CCDC171: variants seen among roughly 807,000 people sequenced by gnomAD.
CCDC171 encodes the protein coiled-coil domain containing 171, also known as coiled-coil domain-containing protein 171.
Under a neutral mutation model 168.2 loss-of-function variants are expected in CCDC171, and 177 were observed. That is an observed-to-expected ratio of 1.05 (90% confidence interval 0.93 to 1.19). The LOEUF (loss-of-function observed/expected upper bound fraction) is 1.19, where lower values mean the gene tolerates loss of function less well. CCDC171 is among the 50% of genes most tolerant of loss of function. The pLI is 0.00. For synonymous variants in CCDC171, 687 were observed against 540.8 expected, an observed-to-expected ratio of 1.27 and a Z score of -3.75; for missense variants, 1,991 against 1,539.0, an observed-to-expected ratio of 1.29 and a Z score of -4.91.
At chr9:15,780,225 A>G (rs1054079316) in intron 20 of CCDC171, among the ~76,000 whole-genome samples, 5 of 152,198 alleles carry the variant, frequency 3.3e-5, no homozygotes, top group Non-Finnish European at 7.3e-5. Context: ...CTCTTAAGCC[A>G]TAGGTTTCTT....
intron 3 of CCDC171, among the ~76,000 whole-genome samples, chr9:15,989,214 C>G (rs965708332): frequency 6.6e-6 from 1 of 152,160 alleles, no homozygotes; most frequent in African/African-American, 2.4e-5. Flanking sequence ...CGGCAGGGTA[C>G]TGCTCTGAGA....
chr9:15,748,485 A>C (rs1231127672), intron 18 of CCDC171, among the ~76,000 whole-genome samples: 1 of 152,194 alleles, frequency 6.6e-6, no homozygotes, highest in East Asian at 1.9e-4. Flanking sequence ...CCACAAAGAT[A>C]TTCCTCGAGA....
intron 4 of CCDC171, among the ~76,000 whole-genome samples, chr9:15,590,969 C>T (rs1190747963): frequency 1.3e-5 from 2 of 151,956 alleles, no homozygotes; most frequent in African/African-American, 4.8e-5. Flanking sequence ...CCCGCCTCAG[C>T]CTCCAGAGTA....
intron 11 of CCDC171, among the ~76,000 whole-genome samples, chr9:15,701,070 T>A (rs892140414): frequency 2.0e-5 from 3 of 152,238 alleles, no homozygotes; most frequent in Non-Finnish European, 2.9e-5. Context: ...CTTTGCGTGC[T>A]TTTTACTGGG....
chr9:15,928,000 A>C (rs551976175), intron 25 of CCDC171, among the ~76,000 whole-genome samples: 1 of 151,728 alleles, frequency 6.6e-6, no homozygotes, highest in East Asian at 2.0e-4. Flanking sequence ...ATTTGTTGAG[A>C]GAGGCTATAC....
intron 7 of CCDC171, among the ~76,000 whole-genome samples, chr9:15,638,224 C>G (rs1029851540): frequency 6.6e-6 from 1 of 152,012 alleles, no homozygotes; most frequent in Admixed American, 6.6e-5. Context: ...TCTAAGTTAC[C>G]TATGATTTCT....
intron 21 of CCDC171, among the ~76,000 whole-genome samples, chr9:15,824,461 G>C (rs2059930058): frequency 6.6e-6 from 1 of 151,782 alleles, no homozygotes; most frequent in Non-Finnish European, 1.5e-5. Context: ...TCTTCTATTG[G>C]TGCTTTGCTT....
chr9:15,606,246 A>T (rs983111869), intron 6 of CCDC171, among the ~76,000 whole-genome samples: 1 of 152,206 alleles, frequency 6.6e-6, no homozygotes, highest in Non-Finnish European at 1.5e-5. Context: ...GTATTTCAGT[A>T]ATCTCTTATT....
chr9:15,761,979 C>A (rs1200804463), intron 18 of CCDC171, among the ~76,000 whole-genome samples: 1 of 151,954 alleles, frequency 6.6e-6, no homozygotes, highest in African/African-American at 2.4e-5. Context: ...ATAATTCATC[C>A]TTGAAAGTGT....
At chr9:15,903,795 T>C (rs1276365045) in intron 24 of CCDC171, among the ~76,000 whole-genome samples, 1 of 152,154 alleles carries the variant, frequency 6.6e-6, no homozygotes, top group African/African-American at 2.4e-5. Context: ...ATTAGACGAA[T>C]GCTAACTAGA....
intron 4 of CCDC171, among the ~76,000 whole-genome samples, chr9:15,581,220 C>A (rs921677570): frequency 2.6e-5 from 4 of 152,248 alleles, no homozygotes; most frequent in African/African-American, 9.6e-5. Flanking sequence ...AATCAACTTA[C>A]AAGGGATGTG....
intron 20 of CCDC171, among the ~76,000 whole-genome samples, chr9:15,781,984 C>G (rs991768278): frequency 2.0e-5 from 3 of 152,108 alleles, no homozygotes; most frequent in Non-Finnish European, 2.9e-5. Context: ...TCCTGTGGCT[C>G]TAAAACTCAT....
chr9:15,700,230 G>C (rs1032130067), intron 11 of CCDC171, among the ~76,000 whole-genome samples: 4 of 152,214 alleles, frequency 2.6e-5, no homozygotes, highest in Admixed American at 6.5e-5. Flanking sequence ...GCACAGCGCC[G>C]GTGGGCTGGC....
chr9:16,059,232 C>T (rs1435139383), intron 1 of CCDC171, among the ~76,000 whole-genome samples: 1 of 152,194 alleles, frequency 6.6e-6, no homozygotes, highest in Non-Finnish European at 1.5e-5. Flanking sequence ...TGAGGTACAT[C>T]AGGCAGGTGC....
intron 7 of CCDC171, among the ~76,000 whole-genome samples, chr9:15,623,715 T>C (rs1209410075): frequency 2.0e-5 from 3 of 152,192 alleles, no homozygotes; most frequent in Non-Finnish European, 2.9e-5. Context: ...TGAGAGTAAT[T>C]GTTTACATTA....
chr9:15,633,277 A>T (rs1483202176), intron 7 of CCDC171, among the ~76,000 whole-genome samples: 7 of 152,188 alleles, frequency 4.6e-5, no homozygotes, highest in Non-Finnish European at 8.8e-5. Context: ...TACTCATCTG[A>T]CAAAGGGCTA....
intron 10 of CCDC171, among the ~76,000 whole-genome samples, chr9:15,680,199 C>G (rs1402648963): frequency 6.6e-6 from 1 of 152,170 alleles, no homozygotes; most frequent in Non-Finnish European, 1.5e-5. Flanking sequence ...TAGTACTTGG[C>G]TCAATAAACA....
At chr9:15,863,507 T>G (rs1040275770) in intron 23 of CCDC171, among the ~76,000 whole-genome samples, 56 of 152,090 alleles carry the variant, frequency 3.7e-4, no homozygotes, top group African/African-American at 1.3e-3. Context: ...CACATTTTTT[T>G]TTTCTAACTA....
At chr9:16,063,606 C>T (rs1196893026), downstream of CCDC171, among the ~76,000 whole-genome samples, 1 of 152,186 alleles carries the variant, frequency 6.6e-6, no homozygotes. Flanking sequence ...AAGCGAAAAC[C>T]AGGAGTGGTT....
Sources: allele counts gnomAD v4.1 joint callset (sites outside exome capture counted in the v4.1 genomes callset), GRCh38; gene constraint gnomAD v4.1.1; transcripts MANE v1.5; gene names NCBI Gene and HGNC (gene_info 2026-07-23, HGNC 2026-07-21).